SCNN1G: variants seen among roughly 807,000 people sequenced by gnomAD.
The protein encoded by SCNN1G is sodium channel epithelial 1 subunit gamma.
A neutral mutation model predicts 64.6 loss-of-function variants in SCNN1G; 27 were observed. That is an observed-to-expected ratio of 0.42 (90% CI 0.31 to 0.58). The LOEUF is 0.58. Ranked by LOEUF, SCNN1G falls within the 20% of genes least tolerant of loss-of-function variation. SCNN1G has a pLI of 0.18. For synonymous variants in SCNN1G, 330 were observed against 314.2 expected (o/e 1.05, Z -0.53); for missense variants, 743 against 823.4 (o/e 0.90, Z 1.19).
chr16:23,188,102 T>G (rs1959643914), intron 2 of SCNN1G, among the ~76,000 whole-genome samples: 3 of 152,198 alleles, frequency 2.0e-5, no homozygotes, highest in Admixed American at 2.0e-4. Flanking sequence ...TAAACTGTCA[T>G]GCACTGTACT....
chr16:23,186,958 C>T (rs536300104), intron 2 of SCNN1G, among the ~76,000 whole-genome samples: 2 of 152,182 alleles, frequency 1.3e-5, no homozygotes, highest in South Asian at 4.2e-4. Context: ...ACCACAGCGC[C>T]AGGCTAATTT....
At chr16:23,214,648 A>T (rs72647539) in intron 11 of SCNN1G, 64 bp from the exon 12 acceptor site, 5 of 1,296,748 alleles carry the variant, frequency 3.9e-6, no homozygotes, top group Non-Finnish European at 5.6e-6. Context: ...GGAGACAGCC[A>T]TGCTGAGGAC....
intron 4 of SCNN1G, 141 bp downstream of exon 4, chr16:23,192,683 C>T: frequency 1.4e-6 from 1 of 716,300 alleles, no homozygotes; most frequent in Middle Eastern, 3.7e-4. Flanking sequence ...TTGGAAACTG[C>T]TTACATGGGA....
chr16:23,207,653 T>A (rs1001898444), intron 6 of SCNN1G, among the ~76,000 whole-genome samples: 1 of 152,220 alleles, frequency 6.6e-6, no homozygotes, highest in East Asian at 1.9e-4. Flanking sequence ...GATCTGCTAG[T>A]GCGGGCACCC....
intron 5 of SCNN1G, chr16:23,195,887 C>T (rs1277319843): frequency 6.6e-6 from 1 of 152,182 alleles, no homozygotes; most frequent in Non-Finnish European, 1.5e-5. Context: ...CTCTTCTTTC[C>T]ATCCATATAG....
In SCNN1G at chr16:23,212,696, T is replaced by A. The variant is rs756463117; in HGVS notation, c.1313T>A (p.Leu438Gln). 2.7e-5 allele frequency: 44 copies of A among 1,613,978 alleles called. No homozygotes were observed. The East Asian group carries it at 9.1e-4, about 33-fold the overall frequency. ...HPNWMYCYYQLHRAFVQEELG... is the reference protein window; with the variant it reads ...HPNWMYCYYQQHRAFVQEELG... ...CCCTCAGTGTATTGTTACTACCAAC[T>A]GCATCGAGCCTTTGTCCAGGAAGAG... The change falls in exon 9 of 13, where the codon CTG becomes CAG. Residue 438 changes from leucine (L) to glutamine (Q), a missense_variant. Coordinates refer to ENST00000300061, the MANE Select transcript of SCNN1G (RefSeq NM_001039.4).
At chr16:23,213,520 G>A (rs960225576) in intron 11 of SCNN1G, among the ~76,000 whole-genome samples, 2 of 152,140 alleles carry the variant, frequency 1.3e-5, no homozygotes, top group Non-Finnish European at 2.9e-5. Flanking sequence ...CCAAAGTGCT[G>A]GGATTATAGG....
At chr16:23,209,711 G>T (rs377442672) in intron 6 of SCNN1G, 39 bp from the exon 7 acceptor site, 6 of 1,502,042 alleles carry the variant, frequency 4.0e-6, no homozygotes, top group South Asian at 3.4e-5. Context: ...CTGGGTCCGG[G>T]GGGAGGACAG....
Position 23,214,708 on chromosome 16 carries a change from G to T in SCNN1G, c.1494-4G>T. 6.2e-7 allele frequency: 1 copy of T among 1,612,810 alleles called. No homozygotes were observed. The highest frequency in any genetic ancestry group is 8.5e-7 in the Non-Finnish European group (1 of 1,178,804). On this transcript the variant is annotated splice_polypyrimidine_tract_variant and splice_region_variant and intron_variant, in intron 11 of 12. Transcript: ENST00000300061. ...CTCTTGATTCACCTGTTGGAATTTT[G>T]CAGGACAGACTTGGCCAAACTCTTG...
intron 5 of SCNN1G, chr16:23,196,150 G>GA (rs1443504486): frequency 6.6e-6 from 1 of 152,454 alleles, no homozygotes; most frequent in East Asian, 1.9e-4. Context: ...CTGGGGTCAG[G>GA]ATGGGGGGGT....
At chr16:23,202,272 A>G (rs950200549) in intron 6 of SCNN1G, among the ~76,000 whole-genome samples, 18 of 148,310 alleles carry the variant, frequency 1.2e-4, no homozygotes, top group Non-Finnish European at 2.0e-4. Context: ...GGGTGGATGG[A>G]TGGATGGATG....
At chr16:23,212,942 C>T (rs774463096) in intron 10 of SCNN1G, 48 bp downstream of exon 10, 69 of 1,582,212 alleles carry the variant, frequency 4.4e-5, no homozygotes, top group Non-Finnish European at 6.0e-5. Flanking sequence ...CAGCCTGGAG[C>T]CCCACTGACA....
intron 2 of SCNN1G, among the ~76,000 whole-genome samples, chr16:23,188,081 C>T (rs947091216): frequency 6.6e-6 from 1 of 152,136 alleles, no homozygotes; most frequent in African/African-American, 2.4e-5. Context: ...TAATAATTTA[C>T]TCAGCATCTA....
At position 23,189,465 on chromosome 16, in the gene SCNN1G, C is replaced by A. The variant is rs866495683; in HGVS notation, c.412C>A (p.Arg138=). The change falls in exon 3 of 13, where the codon CGA becomes AGA. Residue 138 remains arginine (R), a synonymous_variant. Coordinates refer to ENST00000300061, the MANE Select transcript of SCNN1G (RefSeq NM_001039.4). ...LYGFPESRKR[R]EAESWNSVSE... ...TGGCTTTCCAGAGTCCCGGAAGCGCCGAGAGGCGGAGTCCTGGAACTCCGT... is the reference window on the plus strand; with the variant it reads ...TGGCTTTCCAGAGTCCCGGAAGCGCAGAGAGGCGGAGTCCTGGAACTCCGT... 6.2e-7 allele frequency: 1 copy of A among 1,614,128 alleles called. No homozygotes were observed. The highest frequency in any genetic ancestry group is 2.2e-5 in the East Asian group (1 of 44,866).
intron 6 of SCNN1G, among the ~76,000 whole-genome samples, chr16:23,204,314 T>TATATATATAC (rs1959947052): frequency 2.4e-5 from 2 of 81,740 alleles, no homozygotes; most frequent in Non-Finnish European, 4.9e-5. Context: ...TATATATATA[T>TATATATATAC]ATATATATAT....
At position 23,215,424 on chromosome 16, in the gene SCNN1G, CT is replaced by C; in HGVS notation, c.1909del (p.Ser637ProfsTer22). On this transcript the variant is annotated frameshift_variant, in exon 13 of 13. Transcript: ENST00000300061. LOFTEE classifies it high-confidence loss of function. ...KYNTLRLERAFSNQLTDTQML... is the reference protein window; with the variant it reads ...KYNTLRLERAXSNQLTDTQML... The stretch of plus-strand genomic sequence containing the variant: ...ACAATACCTTGCGCTTGGAGAGGGC[CT>C]TTTCCAACCAGCTCACAGATACCCA... 1 of 1,613,416 alleles carries C rather than the reference CT, an allele frequency of 6.2e-7. No individual in the cohort carries two copies.
chr16:23,186,836 A>C (rs766658419), intron 2 of SCNN1G, among the ~76,000 whole-genome samples: 12 of 151,710 alleles, frequency 7.9e-5, no homozygotes, highest in Non-Finnish European at 1.6e-4. Flanking sequence ...TTTGAGATGG[A>C]GTTTCGCTCT....
rs1374368661 is a variant in SCNN1G at position 23,209,824 on chromosome 16, C to G, written c.1152C>G (p.Ile384Met). 1.2e-6 allele frequency: 2 copies of G among 1,613,634 alleles called. No individual in the cohort carries two copies. Among genetic ancestry groups the G allele is most frequent in the Non-Finnish European group, 1.7e-6 (2 of 1,179,652 alleles). ...GGAGTGACGTGCCAATCAGGAACAT[C>G]TACAACGCTGCCTACTCGCTCCAGG... is the stretch of plus-strand genomic sequence containing the variant. ...EDGSDVPIRN[I>M]YNAAYSLQIC... The change falls in exon 7 of 13, where the codon ATC becomes ATG. Residue 384 changes from isoleucine (I) to methionine (M), a missense_variant. Physicochemically the swap from Ile to Met is conservative, Grantham distance 10. Coordinates refer to ENST00000300061, the MANE Select transcript of SCNN1G (RefSeq NM_001039.4).
At position 23,189,395 on chromosome 16, in the gene SCNN1G, A is replaced by G. The variant is rs765768772; in HGVS notation, c.342A>G (p.Leu114=). The part of the protein sequence containing the change: ...PYKYSTVRHL[L]ADLEQETREA... Reference sequence around the variant, plus strand: ...GGTACAGCACCGTTCGCCACCTTCTAGCTGACTTGGAACAGGAGACCAGAG... The same window carrying G: ...GGTACAGCACCGTTCGCCACCTTCTGGCTGACTTGGAACAGGAGACCAGAG... Residue 114 remains leucine, a synonymous_variant, in exon 3 of 13, where the codon CTA becomes CTG. Coordinates refer to ENST00000300061, the MANE Select transcript of SCNN1G (RefSeq NM_001039.4). The G allele has an allele frequency of 6.8e-6, 11 of 1,613,858 alleles. No homozygotes were observed. Among genetic ancestry groups the G allele is most frequent in the Non-Finnish European group, 9.3e-6 (11 of 1,180,034 alleles).
Sources: allele counts gnomAD v4.1 joint callset (sites outside exome capture counted in the v4.1 genomes callset), GRCh38; gene constraint gnomAD v4.1.1; transcripts MANE v1.5; gene names NCBI Gene and HGNC (gene_info 2026-07-23, HGNC 2026-07-21).